COQ8B: variants seen among roughly 807,000 people sequenced by gnomAD.
COQ8B encodes coenzyme Q8B.
Under a neutral mutation model 62.0 loss-of-function variants are expected in COQ8B, and 44 were observed. That is an observed-to-expected ratio of 0.71 (90% CI 0.56 to 0.91). COQ8B has a LOEUF of 0.91. Among genes scored for constraint, COQ8B ranks in the 40% least tolerant of loss-of-function variants. COQ8B has a pLI of 0.00. For synonymous variants in COQ8B, 252 were observed against 289.9 expected, an observed-to-expected ratio of 0.87 and a Z score of 1.33; for missense variants, 649 against 731.6, an observed-to-expected ratio of 0.89 and a Z score of 1.30.
chr19:40,715,870 T>TGTGTGTGTGTGTGTGTGTGTGC (rs1491577261), intron 1 of COQ8B: 1 of 143,092 alleles, frequency 7.0e-6, no homozygotes, highest in African/African-American at 2.6e-5. Context: ...TGTGTGTGTG[T>TGTGTGTGTGTGTGTGTGTGTGC]GCGCGCGCGC....
At chr19:40,704,148 CTTTTTTT>C in intron 7 of COQ8B, 6 of 162,868 alleles carry the variant, frequency 3.7e-5, no homozygotes, top group East Asian at 1.6e-4. Flanking sequence ...CATAACAATC[CTTTTTTT>C]TTTTTTTTTT....
chr19:40,712,350 G>A (rs11671127), intron 4 of COQ8B, among the ~76,000 whole-genome samples: 2 of 150,780 alleles, frequency 1.3e-5, no homozygotes, highest in South Asian at 2.1e-4. Context: ...CAAGGCAGGC[G>A]GATCATGAGG....
chr19:40,714,495 C>A, intron 2 of COQ8B, 36 bp downstream of exon 2: 1 of 1,613,864 alleles, frequency 6.2e-7, no homozygotes, highest in Non-Finnish European at 8.5e-7. Context: ...CTCCCTCAGC[C>A]TCTTCCCCTT....
intron 1 of COQ8B, chr19:40,715,351 C>T: frequency 1.0e-6 from 1 of 985,538 alleles, no homozygotes; most frequent in South Asian, 4.7e-5. Context: ...CGCGACAGAC[C>T]CTTCTGTTCC....
intron 12 of COQ8B, 125 bp from the exon 13 acceptor site, chr19:40,696,179 C>T (rs991854584): frequency 8.5e-6 from 9 of 1,057,896 alleles, no homozygotes; most frequent in Non-Finnish European, 1.3e-5. Context: ...CCCTGCCTGG[C>T]TGCCTCACTG....
chr19:40,702,631 G>A lies in COQ8B; in HGVS notation c.862C>T (p.Arg288Cys), dbSNP rs758779701. 8 of 1,612,492 alleles carry A rather than the reference G, an allele frequency of 5.0e-6. No individual in the cohort carries two copies. Among genetic ancestry groups the A allele is most frequent in the East Asian group, 4.5e-5 (2 of 44,894 alleles). The change falls in exon 10 of 15, where the codon CGT becomes TGT. Residue 288 changes from arginine (R) to cysteine (C), a missense_variant. Transcript: ENST00000324464. ...TTCTGGGCACAAGCCGCCTCACGAC[G>A]GTAGTCACACTCCCAAGCCAGCTCC... is the stretch of plus-strand genomic sequence containing the variant. ...QQELAWECDY[R>C]REAACAQNFR...
At chr19:40,715,976 G>C (rs775830922) in intron 1 of COQ8B, 2 of 152,540 alleles carry the variant, frequency 1.3e-5, no homozygotes, top group East Asian at 1.9e-4. Flanking sequence ...CCACCACTGG[G>C]AGAGGGAGGG....
intron 4 of COQ8B, among the ~76,000 whole-genome samples, chr19:40,712,536 T>A (rs926431423): frequency 6.6e-6 from 1 of 151,766 alleles, no homozygotes; most frequent in African/African-American, 2.4e-5. Context: ...TGCAGTGAGC[T>A]GAGATCATGC....
At chr19:40,699,629 C>T (rs2082046129) in intron 12 of COQ8B, among the ~76,000 whole-genome samples, 4 of 152,204 alleles carry the variant, frequency 2.6e-5, no homozygotes, top group Admixed American at 2.6e-4. Flanking sequence ...AGCTGTACTT[C>T]CCCTCTGTGC....
At chr19:40,710,263 G>A (rs2082130718) in intron 4 of COQ8B, 127 bp from the exon 5 acceptor site, 11 of 946,334 alleles carry the variant, frequency 1.2e-5, no homozygotes, top group Non-Finnish European at 1.8e-5. Flanking sequence ...TCTTTTGTTT[G>A]AGATGGAGTC....
chr19:40,702,365 C>T (rs1214593759), intron 10 of COQ8B, among the ~76,000 whole-genome samples: 3 of 152,116 alleles, frequency 2.0e-5, no homozygotes, highest in Non-Finnish European at 2.9e-5. Flanking sequence ...AGTGGATATG[C>T]GGCCCATCTG....
At chr19:40,705,552 G>A in intron 5 of COQ8B, 105 bp from the exon 6 acceptor site, 1 of 1,311,166 alleles carries the variant, frequency 7.6e-7, no homozygotes. Context: ...ACCCAGGCGG[G>A]ATGAACACAG....
intron 4 of COQ8B, 34 bp downstream of exon 4, chr19:40,714,033 A>T: frequency 6.2e-7 from 1 of 1,609,312 alleles, no homozygotes; most frequent in South Asian, 1.1e-5. Context: ...TTTCTAATTG[A>T]GGTCACACCA....
chr19:40,714,911 A>C, intron 1 of COQ8B: 1 of 1,212,996 alleles, frequency 8.2e-7, no homozygotes, highest in Non-Finnish European at 1.0e-6. Context: ...CTCAGGGGCT[A>C]CCTCTCCACT....
chr19:40,703,362 C>T, intron 9 of COQ8B, 179 bp downstream of exon 9: 2 of 641,806 alleles, frequency 3.1e-6, no homozygotes, highest in Admixed American at 6.2e-5. Context: ...TAAGGCTTTT[C>T]CCACACCTGC....
intron 4 of COQ8B, among the ~76,000 whole-genome samples, chr19:40,713,548 CAAAA>C (rs59738172): frequency 1.1e-5 from 1 of 90,324 alleles, no homozygotes; most frequent in Non-Finnish European, 2.4e-5. Context: ...TACTCCGTCT[CAAAA>C]AAAAAAAAAA....
At chr19:40,712,790 C>T (rs1287322661) in intron 4 of COQ8B, among the ~76,000 whole-genome samples, 3 of 152,184 alleles carry the variant, frequency 2.0e-5, no homozygotes, top group Non-Finnish European at 4.4e-5. Flanking sequence ...GCACGACATC[C>T]GGCTGTGTAA....
intron 1 of COQ8B, among the ~76,000 whole-genome samples, 162 bp downstream of exon 1, chr19:40,716,425 T>G (rs1389775790): frequency 6.6e-5 from 10 of 152,190 alleles, no homozygotes; most frequent in Non-Finnish European, 1.5e-4. Context: ...GATAGCCCCG[T>G]AGCTGCAAGC....
In COQ8B at chr19:40,714,322, G is replaced by A. The variant is rs756079490; in HGVS notation, c.178C>T (p.Arg60Cys). 11 of 1,613,940 alleles carry A rather than the reference G, an allele frequency of 6.8e-6. No individual in the cohort carries two copies. The African/African-American group carries it at 9.3e-5, about 14-fold the overall frequency. Residue 60 changes from arginine (R) to cysteine (C), a missense_variant, in exon 3 of 15, where the codon CGC (arginine) becomes TGC (cysteine). By Grantham distance (180) the Arg-to-Cys change is radical. Coordinates refer to ENST00000324464, the MANE Select transcript of COQ8B (RefSeq NM_024876.4). Reference protein sequence around the residue: ...PGRGLGEEDIRRAREARPRKT... With the variant: ...PGRGLGEEDICRAREARPRKT... ...CTGGGACGGGCCTCCCGTGCCCTGCGAATGTCCTCCTCACCCAGGCCTCTC... is the reference window on the plus strand; with the variant it reads ...CTGGGACGGGCCTCCCGTGCCCTGCAAATGTCCTCCTCACCCAGGCCTCTC...
Sources: allele counts gnomAD v4.1 joint callset (sites outside exome capture counted in the v4.1 genomes callset), GRCh38; gene constraint gnomAD v4.1.1; transcripts MANE v1.5; gene names NCBI Gene and HGNC (gene_info 2026-07-23, HGNC 2026-07-21).